The following GRID2 variants were observed in gnomAD, a reference collection of about 807,000 sequenced individuals.
GRID2 encodes glutamate ionotropic receptor delta type subunit 2, also known as glutamate receptor ionotropic, delta-2.
GRID2 carries 33 observed loss-of-function variants against 114.8 expected under a neutral mutation model. The observed-to-expected ratio is 0.29, with a 90% CI of 0.22 to 0.38. The LOEUF (loss-of-function observed/expected upper bound fraction) is 0.38. Ranked by LOEUF, GRID2 falls within the 10% of genes least tolerant of loss-of-function variation. GRID2 has a pLI of 1.00. For synonymous variants in GRID2, 505 were observed against 449.9 expected, an observed-to-expected ratio of 1.12 and a Z score of -1.55; for missense variants, 1,184 against 1,257.7, an observed-to-expected ratio of 0.94 and a Z score of 0.89.
chr4:93,768,875 G>A (rs1176246044), intron 14 of GRID2, among the ~76,000 whole-genome samples: 2 of 150,448 alleles, frequency 1.3e-5, no homozygotes, highest in African/African-American at 4.9e-5. Flanking sequence ...TCTGAATTGT[G>A]ATTGTAAAAA....
At chr4:93,509,755 A>AT in intron 12 of GRID2, among the ~76,000 whole-genome samples, 1 of 152,262 alleles carries the variant, frequency 6.6e-6, no homozygotes, top group South Asian at 2.1e-4. Flanking sequence ...ACCCCAGTCC[A>AT]TTTTGTAACA....
At chr4:93,116,106 T>A (rs1733225898) in intron 4 of GRID2, among the ~76,000 whole-genome samples, 1 of 152,176 alleles carries the variant, frequency 6.6e-6, no homozygotes, top group Non-Finnish European at 1.5e-5. Context: ...CTCAATATAT[T>A]ACTAGTTATA....
chr4:92,318,021 C>T (rs1726089299), intron 1 of GRID2, among the ~76,000 whole-genome samples: 1 of 152,018 alleles, frequency 6.6e-6, no homozygotes, highest in African/African-American at 2.4e-5. Context: ...CCTGTCAATA[C>T]ACATTGAGTC....
At chr4:93,546,118 T>C (rs1733187314) in intron 13 of GRID2, among the ~76,000 whole-genome samples, 1 of 152,156 alleles carries the variant, frequency 6.6e-6, no homozygotes, top group Non-Finnish European at 1.5e-5. Context: ...GTGAATTGCA[T>C]ATGAAGAATG....
At chr4:93,373,481 A>T (rs1276231613) in intron 8 of GRID2, among the ~76,000 whole-genome samples, 4 of 152,096 alleles carry the variant, frequency 2.6e-5, no homozygotes, top group Non-Finnish European at 5.9e-5. Flanking sequence ...TCTTATTCTT[A>T]TTTATTGCCT....
At chr4:93,329,807 T>C (rs922021094) in intron 8 of GRID2, among the ~76,000 whole-genome samples, 2 of 152,054 alleles carry the variant, frequency 1.3e-5, no homozygotes, top group African/African-American at 4.8e-5. Context: ...TGGCAAGACA[T>C]TGGGTATCTG....
At chr4:92,921,618 A>G (rs1009765175) in intron 2 of GRID2, among the ~76,000 whole-genome samples, 4 of 152,136 alleles carry the variant, frequency 2.6e-5, no homozygotes, top group African/African-American at 9.7e-5. Context: ...TCCACTCCAG[A>G]CCCTGTTTAC....
chr4:93,120,863 G>A (rs1174169029), intron 4 of GRID2, among the ~76,000 whole-genome samples: 1 of 152,132 alleles, frequency 6.6e-6, no homozygotes, highest in African/African-American at 2.4e-5. Flanking sequence ...TGAGGCAAGA[G>A]AATGGTGTGA....
intron 1 of GRID2, among the ~76,000 whole-genome samples, chr4:92,403,899 G>A (rs1036198369): frequency 3.6e-4 from 54 of 152,006 alleles, no homozygotes; most frequent in South Asian, 2.1e-4. Context: ...GTCTGAACAC[G>A]CATAATATTT....
chr4:93,008,121 A>G (rs1037846944), intron 2 of GRID2, among the ~76,000 whole-genome samples: 1 of 151,998 alleles, frequency 6.6e-6, no homozygotes, highest in Non-Finnish European at 1.5e-5. Context: ...TAAATAACGG[A>G]AACAATGGAC....
chr4:92,936,828 G>A (rs1750708944), intron 2 of GRID2, among the ~76,000 whole-genome samples: 1 of 146,334 alleles, frequency 6.8e-6, no homozygotes, highest in African/African-American at 2.4e-5. Context: ...AAGAAACTTA[G>A]CCAAATATAT....
chr4:93,071,331 G>A (rs969825305), intron 2 of GRID2, among the ~76,000 whole-genome samples: 14 of 152,018 alleles, frequency 9.2e-5, no homozygotes, highest in Non-Finnish European at 1.3e-4. Context: ...ATTCATTCAC[G>A]ACATGTTCAT....
chr4:92,733,779 T>A (rs1179599309), intron 2 of GRID2, among the ~76,000 whole-genome samples: 1 of 152,066 alleles, frequency 6.6e-6, no homozygotes, highest in Non-Finnish European at 1.5e-5. Flanking sequence ...CCTGGCTCTG[T>A]CCCTTTAAAA....
intron 6 of GRID2, among the ~76,000 whole-genome samples, chr4:93,220,177 G>A (rs1169146271): frequency 6.6e-6 from 1 of 152,048 alleles, no homozygotes; most frequent in African/African-American, 2.4e-5. Flanking sequence ...ATGGTTTGGA[G>A]TACCTCAGAT....
At chr4:93,368,281 A>G (rs1762533879) in intron 8 of GRID2, among the ~76,000 whole-genome samples, 1 of 152,158 alleles carries the variant, frequency 6.6e-6, no homozygotes, top group Non-Finnish European at 1.5e-5. Flanking sequence ...AGTAACCTCT[A>G]GAAACTCTTG....
intron 2 of GRID2, among the ~76,000 whole-genome samples, chr4:92,949,165 TGAGAGA>T (rs374366766): frequency 6.6e-6 from 1 of 150,448 alleles, no homozygotes; most frequent in Non-Finnish European, 1.5e-5. Flanking sequence ...TGTGTGTGTG[TGAGAGA>T]GAGAGAGAAG....
chr4:92,521,237 C>T (rs1359262842), intron 1 of GRID2, among the ~76,000 whole-genome samples: 1 of 151,868 alleles, frequency 6.6e-6, no homozygotes, highest in East Asian at 1.9e-4. Context: ...TAATACTACA[C>T]TTCTTATTAC....
chr4:92,869,531 G>A (rs1271433391), intron 2 of GRID2, among the ~76,000 whole-genome samples: 1 of 152,154 alleles, frequency 6.6e-6, no homozygotes, highest in African/African-American at 2.4e-5. Context: ...TGTCCTTGGT[G>A]TCCAAAACAT....
chr4:93,424,357 G>A (rs926418125), intron 10 of GRID2, among the ~76,000 whole-genome samples: 5 of 152,032 alleles, frequency 3.3e-5, no homozygotes, highest in Admixed American at 3.3e-4. Context: ...GTCTTGAAGT[G>A]CAGGGCTACG....
Sources: gnomAD v4.1 joint callset for allele counts (sites outside exome capture counted in the v4.1 genomes callset) on GRCh38, gnomAD v4.1.1 for gene constraint, MANE v1.5 for transcripts, NCBI Gene and HGNC (gene_info 2026-07-23, HGNC 2026-07-21) for gene names.